The following MALRD1 variants were observed in gnomAD, a reference collection of about 807,000 sequenced individuals.
MALRD1 encodes the protein MAM and LDL-receptor class A domain-containing protein 1.
Under a neutral mutation model 242.1 loss-of-function variants are expected in MALRD1, and 247 were observed. The ratio of observed to expected loss-of-function variants is 1.02; its 90% CI spans 0.92 to 1.13. The LOEUF is 1.13. Among genes scored for constraint, MALRD1 ranks in the 50% most tolerant of loss-of-function variants. The pLI is 0.00. For missense variants in MALRD1, 2,989 were observed against 2,533.1 expected (o/e 1.18, Z -3.86); for synonymous variants, 995 against 866.6 (o/e 1.15, Z -2.60).
chr10:19,424,809 C>G (rs1048977673), intron 28 of MALRD1, among the ~76,000 whole-genome samples: 1 of 151,958 alleles, frequency 6.6e-6, no homozygotes, highest in Non-Finnish European at 1.5e-5. Flanking sequence ...GAATCCTGAC[C>G]TGAATTTGCT....
At chr10:19,330,237 A>G (rs1422300243) in intron 23 of MALRD1, among the ~76,000 whole-genome samples, 1 of 148,636 alleles carries the variant, frequency 6.7e-6, no homozygotes, top group Non-Finnish European at 1.5e-5. Flanking sequence ...ACACAGTTAT[A>G]TTTTTTTTTT....
rs1288526071 is a variant in MALRD1 at position 19,083,201 on chromosome 10, T to C, written c.341-4639T>C. ...ACAAAAGCAGCCTGGGACCAATAAATCTCTATGTTTTGCTGAGGGATTCTG... is the reference window on the plus strand; with the variant it reads ...ACAAAAGCAGCCTGGGACCAATAAACCTCTATGTTTTGCTGAGGGATTCTG... On this transcript the variant is annotated intron_variant, in intron 2 of 39. Transcript: ENST00000454679. Among the ~76,000 whole-genome samples the C allele has an allele frequency of 2.0e-5, 3 of 152,006 alleles. No homozygotes were observed. The East Asian group carries it at 5.8e-4, about 29-fold the overall frequency.
intron 36 of MALRD1, among the ~76,000 whole-genome samples, chr10:19,653,468 T>G (rs1190660520): frequency 6.6e-6 from 1 of 152,104 alleles, no homozygotes; most frequent in African/African-American, 2.4e-5. Context: ...CAAAGCAAGA[T>G]TTTTTGTTTC....
intron 5 of MALRD1, among the ~76,000 whole-genome samples, chr10:19,116,461 G>C (rs1836873121): frequency 6.6e-6 from 1 of 152,164 alleles, no homozygotes; most frequent in Non-Finnish European, 1.5e-5. Flanking sequence ...GACAGTAACT[G>C]TTCCTTCCTT....
At chr10:19,194,338 C>T (rs575197534) in intron 14 of MALRD1, among the ~76,000 whole-genome samples, 4 of 152,220 alleles carry the variant, frequency 2.6e-5, no homozygotes, top group East Asian at 1.9e-4. Flanking sequence ...TTTTCATAGC[C>T]TATTGAGTCC....
Position 19,686,248 on chromosome 10 carries a change from A to G in MALRD1, c.6138-6034A>G, listed in dbSNP as rs575036719. ...GATCAAGAGCACATTTTGACGTTTG[A>G]CTTGGAGTTTTACATGTTGGCATAC... On this transcript the variant is annotated intron_variant, in intron 36 of 39. Coordinates refer to ENST00000454679, the MANE Select transcript of MALRD1 (RefSeq NM_001142308.3). Among the ~76,000 whole-genome samples, 4 of 152,256 alleles carry G rather than the reference A, an allele frequency of 2.6e-5. No individual in the cohort carries two copies. In the South Asian group the frequency reaches 6.2e-4, roughly 24 times the overall value.
intron 35 of MALRD1, among the ~76,000 whole-genome samples, chr10:19,613,490 A>G (rs925724912): frequency 6.6e-6 from 1 of 152,022 alleles, no homozygotes; most frequent in Non-Finnish European, 1.5e-5. Flanking sequence ...AGATGTTTCA[A>G]TCCTAATATT....
At position 19,285,469 on chromosome 10, in the gene MALRD1, A is replaced by T. The variant is rs565091548; in HGVS notation, c.3419+2288A>T. On this transcript the variant is annotated intron_variant, in intron 21 of 39. Coordinates refer to ENST00000454679, the MANE Select transcript of MALRD1 (RefSeq NM_001142308.3). ...GGGATCCAGTTTCAGCTTTCTACAT[A>T]TGGCTAGCCAGTTTTCCCAGCACCA... 7.4e-3 allele frequency among the ~76,000 whole-genome samples: 1,117 copies of T among 151,658 alleles called. 20 individuals are homozygous for T. Among genetic ancestry groups the T allele is most frequent in the African/African-American group, 0.026 (1,066 of 41,116 alleles).
chr10:19,708,266 C>G (rs1326224646), intron 38 of MALRD1, among the ~76,000 whole-genome samples: 1 of 119,830 alleles, frequency 8.3e-6, no homozygotes, highest in Non-Finnish European at 1.9e-5. Context: ...TATAGGCTAC[C>G]CCCACAATTT....
At chr10:19,327,896 A>G (rs1194498160) in intron 23 of MALRD1, among the ~76,000 whole-genome samples, 1 of 152,138 alleles carries the variant, frequency 6.6e-6, no homozygotes, top group African/African-American at 2.4e-5. Flanking sequence ...ACCTCTAGGA[A>G]CATTTAATTT....
intron 18 of MALRD1, among the ~76,000 whole-genome samples, chr10:19,222,398 G>C (rs141257436): frequency 3.6e-3 from 555 of 152,256 alleles, no homozygotes; most frequent in Middle Eastern, 0.027. Flanking sequence ...AATTTCAACT[G>C]TGGGATTTGC....
intron 31 of MALRD1, among the ~76,000 whole-genome samples, chr10:19,500,827 A>G (rs1251734902): frequency 6.6e-6 from 1 of 152,164 alleles, no homozygotes; most frequent in East Asian, 1.9e-4. Flanking sequence ...TCCTTCATTC[A>G]CTTAACTATT....
intron 18 of MALRD1, among the ~76,000 whole-genome samples, chr10:19,245,784 A>G (rs1033750311): frequency 1.3e-5 from 2 of 152,210 alleles, no homozygotes; most frequent in African/African-American, 2.4e-5. Flanking sequence ...TCTGATGGTA[A>G]GAAAGACAAA....
chr10:19,422,551 G>A (rs1334797337), intron 28 of MALRD1, among the ~76,000 whole-genome samples: 2 of 152,116 alleles, frequency 1.3e-5, no homozygotes, highest in Non-Finnish European at 2.9e-5. Context: ...ATCGCTTTCT[G>A]GCCCCAGAGA....
chr10:19,085,133 C>G (rs112822904), intron 2 of MALRD1, among the ~76,000 whole-genome samples: 2,586 of 151,964 alleles, frequency 0.017, 60 homozygotes, highest in Non-Finnish European at 0.018. Context: ...CTTTGTTGTT[C>G]AAGAGCTTCA....
At chr10:19,313,266 A>T (rs921345274) in intron 21 of MALRD1, among the ~76,000 whole-genome samples, 4 of 148,670 alleles carry the variant, frequency 2.7e-5, no homozygotes, top group African/African-American at 7.4e-5. Context: ...TACTTCTCAG[A>T]TTTATTGAAA....
chr10:19,225,335 G>A (rs2484091), intron 18 of MALRD1, among the ~76,000 whole-genome samples: 127,386 of 152,042 alleles, frequency 0.84, 53,516 homozygotes, highest in East Asian at 1. Flanking sequence ...CATAGTGTCA[G>A]AATTGTGGTC....
chr10:19,566,521 G>A (rs1246066241), intron 32 of MALRD1, among the ~76,000 whole-genome samples: 1 of 151,336 alleles, frequency 6.6e-6, no homozygotes, highest in Non-Finnish European at 1.5e-5. Context: ...GTAAGAGGGA[G>A]GTCACTGGAA....
chr10:19,344,289 A>C (rs1370468490), intron 24 of MALRD1, among the ~76,000 whole-genome samples: 1 of 152,042 alleles, frequency 6.6e-6, no homozygotes, highest in African/African-American at 2.4e-5. Flanking sequence ...ATGATATTAC[A>C]TTTTACATTT....
Sources: gnomAD v4.1 joint callset for allele counts (sites outside exome capture counted in the v4.1 genomes callset) on GRCh38, gnomAD v4.1.1 for gene constraint, MANE v1.5 for transcripts, NCBI Gene and HGNC (gene_info 2026-07-23, HGNC 2026-07-21) for gene names.